LEPR: variants seen among roughly 807,000 people sequenced by gnomAD.
LEPR encodes OB receptor.
In LEPR, 56 loss-of-function variants were observed where a neutral mutation model predicts 114.7. That is an observed-to-expected ratio of 0.49 (90% CI 0.39 to 0.61). LEPR has a LOEUF of 0.61. Among genes scored for constraint, LEPR ranks in the 20% least tolerant of loss-of-function variants. The probability of loss-of-function intolerance (pLI) is 0.00; values close to 1 mark genes in which losing one functional copy is unlikely to be tolerated. For synonymous variants in LEPR, 443 were observed against 461.4 expected (o/e 0.96, Z 0.51); for missense variants, 1,202 against 1,352.9 (o/e 0.89, Z 1.75).
At chr1:65,506,043 T>G (rs925811010) in intron 2 of LEPR, among the ~76,000 whole-genome samples, 1 of 152,216 alleles carries the variant, frequency 6.6e-6, no homozygotes, top group Non-Finnish European at 1.5e-5. Flanking sequence ...AAGTAAGAGC[T>G]GGCAAACATG....
chr1:65,620,747 A>G (rs1040818748), intron 17 of LEPR, among the ~76,000 whole-genome samples: 1 of 152,216 alleles, frequency 6.6e-6, no homozygotes, highest in Non-Finnish European at 1.5e-5. Flanking sequence ...CTTGAATAAC[A>G]TCATTTTGTT....
At chr1:65,515,680 GTCTT>G (rs1208642956) in intron 2 of LEPR, among the ~76,000 whole-genome samples, 1 of 152,054 alleles carries the variant, frequency 6.6e-6, no homozygotes, top group Non-Finnish European at 1.5e-5. Context: ...TGTTCCTCTT[GTCTT>G]TCTTTCATAG....
intron 7 of LEPR, among the ~76,000 whole-genome samples, chr1:65,597,927 A>G (rs977293754): frequency 1.8e-5 from 2 of 109,578 alleles, no homozygotes; most frequent in Middle Eastern, 4.0e-3. Flanking sequence ...GGAGTTATTA[A>G]TATCTGATGT....
Position 65,456,290 on chromosome 1 carries a change from G to A in LEPR, c.-21+30912G>A, listed in dbSNP as rs190877581. Among the ~76,000 whole-genome samples the A allele has an allele frequency of 2.9e-3, 435 of 152,064 alleles. 4 individuals are homozygous for A. Among genetic ancestry groups the A allele is most frequent in the African/African-American group, 8.4e-3 (350 of 41,492 alleles). On this transcript the variant is annotated intron_variant, in intron 2 of 19. Transcript: ENST00000349533. The stretch of plus-strand genomic sequence containing the variant: ...TGTAGACCAGAGCTGTTCCTATTCG[G>A]CCATCTTGGCTCCTCCCCCCATAGA...
At chr1:65,500,868 C>T (rs1230547463) in intron 2 of LEPR, among the ~76,000 whole-genome samples, 1 of 152,040 alleles carries the variant, frequency 6.6e-6, no homozygotes, top group African/African-American at 2.4e-5. Flanking sequence ...CTTTAAATTC[C>T]AGCATCAATG....
rs991720168 is a variant in LEPR at position 65,421,056 on chromosome 1, C to T, written c.-97+316C>T. 7.9e-5 allele frequency among the ~76,000 whole-genome samples: 12 copies of T among 152,222 alleles called. No homozygotes were observed. In the South Asian group the frequency reaches 1.0e-3, roughly 13 times the overall value. Reference sequence around the variant, plus strand: ...TCTCCTGAGTTTTTAAACAAGGTTTCCACTTCTTGACGCCACCCTAACGCC... The same window carrying T: ...TCTCCTGAGTTTTTAAACAAGGTTTTCACTTCTTGACGCCACCCTAACGCC... On this transcript the variant is annotated intron_variant, in intron 1 of 19. Transcript: ENST00000349533.
intron 2 of LEPR, among the ~76,000 whole-genome samples, chr1:65,472,203 G>C (rs1184415614): frequency 4.0e-5 from 6 of 151,740 alleles, no homozygotes; most frequent in South Asian, 2.1e-4. Flanking sequence ...TTTTAAAAAA[G>C]CATAAGGCAT....
intron 15 of LEPR, among the ~76,000 whole-genome samples, chr1:65,617,301 T>C (rs1657587428): frequency 6.6e-6 from 1 of 152,198 alleles, no homozygotes; most frequent in South Asian, 2.1e-4. Flanking sequence ...GACCTGGCAT[T>C]GAGATTCAGA....
At chr1:65,613,782 A>C (rs79058584) in intron 14 of LEPR, among the ~76,000 whole-genome samples, 1 of 149,924 alleles carries the variant, frequency 6.7e-6, no homozygotes, top group African/African-American at 2.5e-5. Context: ...AAAAAAAAAA[A>C]CCAAGTATCT....
chr1:65,464,377 A>G (rs746777905), intron 2 of LEPR, among the ~76,000 whole-genome samples: 5 of 152,176 alleles, frequency 3.3e-5, no homozygotes, highest in South Asian at 2.1e-4. Context: ...GATGAAGCCA[A>G]CTTGATTGTG....
chr1:65,591,181 T>C (rs894653441), intron 5 of LEPR, among the ~76,000 whole-genome samples: 4 of 152,108 alleles, frequency 2.6e-5, no homozygotes, highest in African/African-American at 9.7e-5. Context: ...TTTCTGTTAT[T>C]AATCCTATTT....
Position 65,570,483 on chromosome 1 carries a change from T to C in LEPR, c.51T>C (p.Tyr17=). ...CVVLLHWEFI[Y]VITAFNLSYP... ...TTAATATCCTAACAGAATTTATTTA[T>C]GTGATAACTGCGTTTAACTTGTCAT... Residue 17 remains tyrosine, a synonymous_variant, in exon 4 of 20, where the codon TAT becomes TAC. Coordinates refer to ENST00000349533, the MANE Select transcript of LEPR (RefSeq NM_002303.6). 6.2e-7 allele frequency: 1 copy of C among 1,613,492 alleles called. No homozygotes were observed. The highest frequency in any genetic ancestry group is 2.2e-5 in the East Asian group (1 of 44,830).
At chr1:65,426,490 GA>G (rs1177075338) in intron 2 of LEPR, among the ~76,000 whole-genome samples, 1 of 152,100 alleles carries the variant, frequency 6.6e-6, no homozygotes, top group Non-Finnish European at 1.5e-5. Context: ...GACTAGATAG[GA>G]AAGAGCTGAG....
Position 65,640,932 on chromosome 1 carries a change from T to C in LEPR, c.*3917T>C, listed in dbSNP as rs1658842129. Reference sequence around the variant, plus strand: ...CACCACCATGCCCAGCTTTTATTTATTTATTTATTTATTTTGGATTTTTAG... The same window carrying C: ...CACCACCATGCCCAGCTTTTATTTACTTATTTATTTATTTTGGATTTTTAG... On this transcript the variant is annotated 3_prime_UTR_variant, in exon 20 of 20. Transcript: ENST00000349533. 6.6e-6 allele frequency: 1 copy of C among 151,726 alleles called. No homozygotes were observed. Among genetic ancestry groups the C allele is most frequent in the Non-Finnish European group, 1.5e-5 (1 of 67,976 alleles). The allele number at this position is 151,726 out of a possible 1,614,324, so 9.4% of individuals were successfully genotyped here.
At chr1:65,447,392 A>G (rs1056513848) in intron 2 of LEPR, among the ~76,000 whole-genome samples, 6 of 151,884 alleles carry the variant, frequency 4.0e-5, no homozygotes, top group Non-Finnish European at 7.4e-5. Context: ...CTGTCTCTCC[A>G]TTTATTTAGT....
intron 2 of LEPR, among the ~76,000 whole-genome samples, chr1:65,445,329 G>T (rs1276709591): frequency 6.6e-6 from 1 of 152,204 alleles, no homozygotes; most frequent in South Asian, 2.1e-4. Flanking sequence ...ATGAATTAAG[G>T]TAGGTTTGTT....
At chr1:65,493,370 G>A (rs541269441) in intron 2 of LEPR, among the ~76,000 whole-genome samples, 23 of 151,952 alleles carry the variant, frequency 1.5e-4, no homozygotes, top group Admixed American at 1.1e-3. Context: ...ATAACTTCTT[G>A]GATTTTTTTC....
At chr1:65,524,945 T>G (rs1427711210) in intron 2 of LEPR, among the ~76,000 whole-genome samples, 1 of 152,224 alleles carries the variant, frequency 6.6e-6, no homozygotes, top group Non-Finnish European at 1.5e-5. Flanking sequence ...AATGTCTATT[T>G]ACTTTGGAGT....
intron 2 of LEPR, among the ~76,000 whole-genome samples, chr1:65,469,717 AT>A (rs1647059017): frequency 6.6e-6 from 1 of 152,170 alleles, no homozygotes; most frequent in South Asian, 2.1e-4. Context: ...GTGTGCAGTT[AT>A]TTGATTATAC....
Sources: allele counts gnomAD v4.1 joint callset (sites outside exome capture counted in the v4.1 genomes callset), GRCh38; gene constraint gnomAD v4.1.1; transcripts MANE v1.5; gene names NCBI Gene and HGNC (gene_info 2026-07-23, HGNC 2026-07-21).